NRXN1: variants seen among roughly 807,000 people sequenced by gnomAD.
NRXN1 encodes the protein neurexin 1, also known as neurexin-1.
NRXN1 carries 39 observed loss-of-function variants against 150.9 expected under a neutral mutation model. The observed-to-expected ratio is 0.26, with a 90% CI of 0.20 to 0.34. The LOEUF is 0.34. Among genes scored for constraint, NRXN1 ranks in the 10% least tolerant of loss-of-function variants. The pLI is 1.00. For missense variants in NRXN1, 1,815 were observed against 1,949.9 expected, an observed-to-expected ratio of 0.93 and a Z score of 1.30; for synonymous variants, 924 against 757.0, an observed-to-expected ratio of 1.22 and a Z score of -3.62.
At chr2:50,083,761 C>T (rs1185845719) in intron 19 of NRXN1, among the ~76,000 whole-genome samples, 5 of 152,228 alleles carry the variant, frequency 3.3e-5, no homozygotes, top group East Asian at 1.9e-4. Flanking sequence ...TTTACAATCC[C>T]TGAGCTAGAC....
intron 21 of NRXN1, among the ~76,000 whole-genome samples, chr2:50,028,887 A>T (rs1688769396): frequency 6.6e-6 from 1 of 152,210 alleles, no homozygotes; most frequent in Admixed American, 6.5e-5. Context: ...TTAGGTGAAC[A>T]ATAAAACTAT....
At chr2:50,865,580 A>G (rs920005104) in intron 5 of NRXN1, among the ~76,000 whole-genome samples, 4 of 130,700 alleles carry the variant, frequency 3.1e-5, no homozygotes, top group Admixed American at 1.6e-4. Context: ...AAATATATAA[A>G]TGTGTGTGTG....
intron 13 of NRXN1, 117 bp from the exon 14 acceptor site, chr2:50,497,831 C>A (rs1165448697): frequency 2.3e-6 from 2 of 862,776 alleles, no homozygotes; most frequent in Non-Finnish European, 3.6e-6. Context: ...CCTTGGTACT[C>A]AGTTGCATAT....
intron 17 of NRXN1, among the ~76,000 whole-genome samples, chr2:50,439,356 A>G (rs2085721444): frequency 6.6e-6 from 1 of 152,270 alleles, no homozygotes; most frequent in Non-Finnish European, 1.5e-5. Context: ...CATTGCTTTA[A>G]GAAAACCCTT....
chr2:50,488,386 G>A (rs1179221239), intron 15 of NRXN1, among the ~76,000 whole-genome samples: 1 of 152,068 alleles, frequency 6.6e-6, no homozygotes, highest in East Asian at 1.9e-4. Context: ...GTTGATCAGG[G>A]GTGAAAAGCC....
intron 5 of NRXN1, among the ~76,000 whole-genome samples, chr2:50,888,625 T>A (rs909437907): frequency 6.6e-6 from 1 of 151,674 alleles, no homozygotes; most frequent in East Asian, 1.9e-4. Context: ...GCAATAACTG[T>A]AATCCACCAT....
intron 17 of NRXN1, among the ~76,000 whole-genome samples, chr2:50,354,887 AT>A: frequency 6.6e-6 from 1 of 152,104 alleles, no homozygotes; most frequent in Admixed American, 6.6e-5. Flanking sequence ...ACTGTCTGTC[AT>A]ACACATCTAC....
chr2:49,931,923 A>C (rs989218751), intron 22 of NRXN1, among the ~76,000 whole-genome samples: 1 of 152,188 alleles, frequency 6.6e-6, no homozygotes, highest in Non-Finnish European at 1.5e-5. Flanking sequence ...TAGATAATTG[A>C]ATAATCTATC....
intron 18 of NRXN1, among the ~76,000 whole-genome samples, chr2:50,227,162 GA>G (rs5831101): frequency 0.5 from 71,448 of 143,480 alleles, 17,517 homozygotes; most frequent in Middle Eastern, 0.56. Context: ...ACAAAGACGG[GA>G]AAAAAAAAAA....
chr2:50,978,032 C>T (rs990378336), intron 2 of NRXN1, among the ~76,000 whole-genome samples: 2 of 151,288 alleles, frequency 1.3e-5, no homozygotes, highest in African/African-American at 4.8e-5. Flanking sequence ...GCTATTTTCT[C>T]ACCTAAAAGT....
intron 5 of NRXN1, among the ~76,000 whole-genome samples, chr2:50,713,702 T>C (rs891579446): frequency 6.6e-6 from 1 of 152,156 alleles, no homozygotes; most frequent in African/African-American, 2.4e-5. Flanking sequence ...AAAAAACAGA[T>C]AAATTATTAC....
chr2:50,858,986 C>T (rs959445965), intron 5 of NRXN1, among the ~76,000 whole-genome samples: 3 of 152,080 alleles, frequency 2.0e-5, no homozygotes, highest in Non-Finnish European at 4.4e-5. Context: ...TCATTAACAG[C>T]CCGGCCTGTA....
At chr2:50,929,411 A>T (rs12999714) in intron 2 of NRXN1, among the ~76,000 whole-genome samples, 43,613 of 151,960 alleles carry the variant, frequency 0.29, 7,070 homozygotes, top group Non-Finnish European at 0.37. Flanking sequence ...TTAGTGCTAC[A>T]ACTTACATTA....
In NRXN1 at chr2:51,014,174, T is replaced by G. The variant is rs542824092; in HGVS notation, c.772+13328A>C. 2.0e-5 allele frequency among the ~76,000 whole-genome samples: 3 copies of G among 152,154 alleles called. No homozygotes were observed. The East Asian group carries it at 5.9e-4, about 30-fold the overall frequency. ...TGCTGCTGGGATGAACAGACCAGGA[T>G]GACTGTAACACATTTTTGGAACTAG... On this transcript the variant is annotated intron_variant, in intron 2 of 22. Coordinates refer to ENST00000401669, the MANE Select transcript of NRXN1 (RefSeq NM_001330078.2).
intron 17 of NRXN1, among the ~76,000 whole-genome samples, chr2:50,272,018 G>T (rs2069739674): frequency 6.6e-6 from 1 of 152,128 alleles, no homozygotes; most frequent in East Asian, 1.9e-4. Flanking sequence ...CCCAAGGATA[G>T]ACTTAATATT....
At chr2:50,189,658 C>G (rs1475141879) in intron 18 of NRXN1, among the ~76,000 whole-genome samples, 1 of 151,952 alleles carries the variant, frequency 6.6e-6, no homozygotes, top group Non-Finnish European at 1.5e-5. Flanking sequence ...AATGAGTCAT[C>G]TCAAAACTGG....
chr2:50,074,530 G>A (rs1696769115), intron 19 of NRXN1, among the ~76,000 whole-genome samples: 1 of 152,030 alleles, frequency 6.6e-6, no homozygotes, highest in Non-Finnish European at 1.5e-5. Context: ...AAGTTGCTGG[G>A]AACAGTTTCT....
intron 17 of NRXN1, among the ~76,000 whole-genome samples, chr2:50,368,317 G>A (rs1382189632): frequency 1.3e-5 from 2 of 151,660 alleles, no homozygotes; most frequent in Admixed American, 6.6e-5. Flanking sequence ...ACATTAACAA[G>A]CATAAATGAA....
chr2:50,874,693 GAAAAATAATCTTT>G (rs1225198458), intron 5 of NRXN1, among the ~76,000 whole-genome samples: 1 of 151,646 alleles, frequency 6.6e-6, no homozygotes, highest in Non-Finnish European at 1.5e-5. Context: ...CTTAGTCAAA[GAAAAATAATCTTT>G]AACACAATTA....
Sources: gnomAD v4.1 joint callset for allele counts (sites outside exome capture counted in the v4.1 genomes callset) on GRCh38, gnomAD v4.1.1 for gene constraint, MANE v1.5 for transcripts, NCBI Gene and HGNC (gene_info 2026-07-23, HGNC 2026-07-21) for gene names.